Variants in UBE2Q2 observed in about 807,000 individuals in gnomAD.
The protein encoded by UBE2Q2 is ubiquitin-conjugating enzyme E2 Q2.
In UBE2Q2, 54 loss-of-function variants were observed where a neutral mutation model predicts 59.9. The observed-to-expected ratio is 0.90, with a 90% CI of 0.72 to 1.13. The LOEUF (loss-of-function observed/expected upper bound fraction) is 1.13, where lower values mean the gene tolerates loss of function less well. UBE2Q2 is among the 50% of genes most tolerant of loss of function. The pLI, the probability that UBE2Q2 is intolerant of heterozygous loss-of-function variation, is 0.00. For missense variants in UBE2Q2, 433 were observed against 441.9 expected, an observed-to-expected ratio of 0.98 and a Z score of 0.18; for synonymous variants, 165 against 155.2, an observed-to-expected ratio of 1.06 and a Z score of -0.47.
At chr15:75,867,612 T>C (rs1052916538) in intron 3 of UBE2Q2, among the ~76,000 whole-genome samples, 1 of 152,208 alleles carries the variant, frequency 6.6e-6, no homozygotes, top group African/African-American at 2.4e-5. Context: ...ACTCACTTTT[T>C]GTTTTGATTA....
chr15:75,873,376 A>G (rs1360717129), intron 4 of UBE2Q2, 52 bp from the exon 5 acceptor site: 1 of 1,530,640 alleles, frequency 6.5e-7, no homozygotes, highest in East Asian at 2.3e-5. Flanking sequence ...GGCATAAGAA[A>G]CTGCTGAAGA....
intron 3 of UBE2Q2, among the ~76,000 whole-genome samples, chr15:75,863,013 C>A (rs188494687): frequency 6.6e-6 from 1 of 152,124 alleles, no homozygotes; most frequent in Non-Finnish European, 1.5e-5. Context: ...GTTCTTTTGC[C>A]TGAGGTAGAT....
chr15:75,886,162 C>A (rs1244080371), intron 9 of UBE2Q2, among the ~76,000 whole-genome samples: 1 of 151,876 alleles, frequency 6.6e-6, no homozygotes, highest in Non-Finnish European at 1.5e-5. Context: ...CTCTGTTGCC[C>A]AGGCTGGAGT....
chr15:75,872,580 A>T (rs1897856835), intron 4 of UBE2Q2, among the ~76,000 whole-genome samples: 1 of 128,878 alleles, frequency 7.8e-6, no homozygotes. Flanking sequence ...TCTGTCACCC[A>T]GGCTGGAGTA....
At chr15:75,889,735 G>C (rs1202991650) in intron 9 of UBE2Q2, among the ~76,000 whole-genome samples, 1 of 152,124 alleles carries the variant, frequency 6.6e-6, no homozygotes, top group Non-Finnish European at 1.5e-5. Flanking sequence ...ATTTTTTAAG[G>C]CATGATATTT....
At chr15:75,869,413 T>C (rs1454495766) in intron 4 of UBE2Q2, among the ~76,000 whole-genome samples, 1 of 152,254 alleles carries the variant, frequency 6.6e-6, no homozygotes, top group East Asian at 1.9e-4. Context: ...CTGTCTCTTG[T>C]TGAAAAATCA....
chr15:75,881,410 C>T (rs968376513), intron 8 of UBE2Q2, among the ~76,000 whole-genome samples: 3 of 151,878 alleles, frequency 2.0e-5, no homozygotes, highest in African/African-American at 7.3e-5. Flanking sequence ...AGGGAGGGGA[C>T]GATCTGGGAG....
chr15:75,858,526 C>T (rs949931000), intron 2 of UBE2Q2, among the ~76,000 whole-genome samples: 17 of 152,092 alleles, frequency 1.1e-4, no homozygotes, highest in African/African-American at 3.9e-4. Flanking sequence ...TTCTGAATGT[C>T]TCTTACTATT....
At chr15:75,896,959 TAC>T (rs1899458893) in intron 11 of UBE2Q2, 34 bp from the exon 12 acceptor site, 1 of 1,368,040 alleles carries the variant, frequency 7.3e-7, no homozygotes, top group Non-Finnish European at 1.0e-6. Flanking sequence ...TTCACCTAAT[TAC>T]ACTTTTGATT....
In UBE2Q2 at chr15:75,844,121, G is replaced by A. The variant is rs1049355033; in HGVS notation, c.180+275G>A. On this transcript the variant is annotated intron_variant, in intron 1 of 12. Coordinates refer to ENST00000267938, the MANE Select transcript of UBE2Q2 (RefSeq NM_173469.4). ...CGGTCCCCGTCTCCTAGCCCCGAGG[G>A]GGGAGTCCGCGGCGGCCCAAGCCCT... The A allele has an allele frequency of 3.5e-6, 5 of 1,415,660 alleles. No homozygotes were observed. In the East Asian group the frequency reaches 1.0e-4, roughly 29 times the overall value. The allele number at this position is 1,415,660 out of a possible 1,614,324, so 87.7% of individuals were successfully genotyped here.
intron 3 of UBE2Q2, among the ~76,000 whole-genome samples, chr15:75,867,029 C>A (rs763156406): frequency 1.3e-5 from 2 of 152,118 alleles, no homozygotes. Context: ...TGATCAGTAT[C>A]CATTGTTGAC....
intron 1 of UBE2Q2, among the ~76,000 whole-genome samples, chr15:75,854,073 C>T (rs1195913509): frequency 6.6e-6 from 1 of 152,146 alleles, no homozygotes; most frequent in African/African-American, 2.4e-5. Flanking sequence ...AAGTGAGTCA[C>T]TAGGTCCAGG....
At position 75,897,645 on chromosome 15, in the gene UBE2Q2, T is replaced by C. The variant is rs1365598316; in HGVS notation, c.1096+584T>C. Among the ~76,000 whole-genome samples, 10 of 151,862 alleles carry C rather than the reference T, an allele frequency of 6.6e-5. No homozygotes were observed. In the South Asian group the frequency reaches 1.9e-3, roughly 28 times the overall value. Reference sequence around the variant, plus strand: ...TTAATGAATGACTCACTTTACTTACTTGAAATATTAGGAACTGAGTTAAAG... The same window carrying C: ...TTAATGAATGACTCACTTTACTTACCTGAAATATTAGGAACTGAGTTAAAG... On this transcript the variant is annotated intron_variant, in intron 12 of 12. Transcript: ENST00000267938.
At chr15:75,864,946 T>TA (rs1214665205) in intron 3 of UBE2Q2, among the ~76,000 whole-genome samples, 1 of 152,266 alleles carries the variant, frequency 6.6e-6, no homozygotes, top group African/African-American at 2.4e-5. Context: ...GCACAAGTTT[T>TA]AAAATCTGTT....
chr15:75,870,906 C>G (rs1000177285), intron 4 of UBE2Q2, among the ~76,000 whole-genome samples: 1 of 151,694 alleles, frequency 6.6e-6, no homozygotes, highest in African/African-American at 2.4e-5. Flanking sequence ...TTAGGTGGAA[C>G]GAGAGACTTG....
intron 3 of UBE2Q2, among the ~76,000 whole-genome samples, chr15:75,867,234 T>C (rs531444177): frequency 6.6e-6 from 1 of 152,336 alleles, no homozygotes; most frequent in East Asian, 1.9e-4. Context: ...CTCTGTCTTT[T>C]CTGTCTGGTT....
At chr15:75,848,184 A>G (rs1047133349) in intron 1 of UBE2Q2, among the ~76,000 whole-genome samples, 3 of 152,228 alleles carry the variant, frequency 2.0e-5, no homozygotes, top group African/African-American at 7.2e-5. Flanking sequence ...ATGTTCTACA[A>G]ATATAAAAGC....
chr15:75,896,869 T>G, intron 11 of UBE2Q2, 126 bp from the exon 12 acceptor site: 1 of 494,590 alleles, frequency 2.0e-6, no homozygotes, highest in South Asian at 3.4e-5. Flanking sequence ...AAGTTAAAAT[T>G]GTTTTTGAAA....
chr15:75,889,457 T>G (rs1182882048), intron 9 of UBE2Q2, among the ~76,000 whole-genome samples: 1 of 152,164 alleles, frequency 6.6e-6, no homozygotes, highest in Non-Finnish European at 1.5e-5. Flanking sequence ...GCAAAGTAAT[T>G]TGGTTAGTTG....
Sources: allele counts gnomAD v4.1 joint callset (sites outside exome capture counted in the v4.1 genomes callset), GRCh38; gene constraint gnomAD v4.1.1; transcripts MANE v1.5; gene names NCBI Gene and HGNC (gene_info 2026-07-23, HGNC 2026-07-21).